The following FSHR variants were observed in gnomAD, a reference collection of about 807,000 sequenced individuals.
The protein encoded by FSHR is follicle-stimulating hormone receptor.
FSHR carries 46 observed loss-of-function variants against 52.1 expected under a neutral mutation model. The ratio of observed to expected loss-of-function variants is 0.88; its 90% CI spans 0.70 to 1.13. The LOEUF (loss-of-function observed/expected upper bound fraction) is 1.13. Among genes scored for constraint, FSHR ranks in the 50% most tolerant of loss-of-function variants. The pLI is 0.00. For missense variants in FSHR, 964 were observed against 834.6 expected (o/e 1.16, Z -1.91); for synonymous variants, 399 against 309.6 (o/e 1.29, Z -3.03).
intron 1 of FSHR, among the ~76,000 whole-genome samples, chr2:49,080,955 A>T (rs1449897933): frequency 6.6e-6 from 1 of 152,172 alleles, no homozygotes; most frequent in East Asian, 1.9e-4. Context: ...GAGTTTGCCG[A>T]GAAGTTATTC....
At chr2:49,110,452 TG>T (rs1671383483) in intron 1 of FSHR, among the ~76,000 whole-genome samples, 1 of 152,156 alleles carries the variant, frequency 6.6e-6, no homozygotes, top group Non-Finnish European at 1.5e-5. Context: ...TATTTCTAGG[TG>T]GGGATACTAC....
rs1007653416 is a variant in FSHR, at chr2:49,117,031, T to C, written c.152+37235A>G. ...TTCCCCTTCTTTGCCTACCATTGTG[T>C]AAAACATGGCCCCAGCACTTTGTGA... On this transcript the variant is annotated intron_variant, in intron 1 of 9. Transcript: ENST00000406846. Among the ~76,000 whole-genome samples, 8 of 152,200 alleles carry C rather than the reference T, an allele frequency of 5.3e-5. No homozygotes were observed. The South Asian group carries it at 6.2e-4, about 12-fold the overall frequency.
intron 8 of FSHR, among the ~76,000 whole-genome samples, chr2:48,973,434 C>T (rs1158689105): frequency 6.6e-6 from 1 of 152,138 alleles, no homozygotes; most frequent in African/African-American, 2.4e-5. Flanking sequence ...ATGTCTGACA[C>T]AAAATTGTGA....
chr2:49,063,163 T>G (rs1271796109), intron 2 of FSHR, among the ~76,000 whole-genome samples: 1 of 152,080 alleles, frequency 6.6e-6, no homozygotes, highest in Non-Finnish European at 1.5e-5. Flanking sequence ...GAGGATTAAT[T>G]TAAGTGTGGG....
At chr2:49,021,863 C>CTCTATATA (rs1467766420) in intron 2 of FSHR, among the ~76,000 whole-genome samples, 6 of 49,864 alleles carry the variant, frequency 1.2e-4, no homozygotes, top group African/African-American at 4.1e-4. Flanking sequence ...CTCTCTCTCT[C>CTCTATATA]TATATATATA....
chr2:48,977,123 C>CCTCTCT (rs10558428), intron 8 of FSHR, among the ~76,000 whole-genome samples: 2 of 149,554 alleles, frequency 1.3e-5, no homozygotes, highest in East Asian at 2.0e-4. Flanking sequence ...AATCCCCTCT[C>CCTCTCT]CTCTCTCTCT....
At chr2:48,984,684 C>A (rs1467701155) in intron 6 of FSHR, among the ~76,000 whole-genome samples, 4 of 151,656 alleles carry the variant, frequency 2.6e-5, no homozygotes, top group Admixed American at 1.3e-4. Flanking sequence ...TGTTTCCTGT[C>A]TTAGCTCATG....
chr2:49,069,270 T>C (rs1227274817), intron 1 of FSHR, among the ~76,000 whole-genome samples: 1 of 152,132 alleles, frequency 6.6e-6, no homozygotes, highest in Non-Finnish European at 1.5e-5. Flanking sequence ...ACAAGCCAGG[T>C]TCCTTCTGGC....
intron 1 of FSHR, among the ~76,000 whole-genome samples, chr2:49,133,785 C>G (rs1332234356): frequency 6.6e-6 from 1 of 152,136 alleles, no homozygotes; most frequent in Non-Finnish European, 1.5e-5. Context: ...ACCATCTGAT[C>G]TTTGACAAAC....
At chr2:49,030,423 A>T (rs960220377) in intron 2 of FSHR, among the ~76,000 whole-genome samples, 14 of 152,032 alleles carry the variant, frequency 9.2e-5, no homozygotes, top group African/African-American at 3.1e-4. Context: ...ACCTGTAACA[A>T]ATGGCTTCCC....
chr2:49,014,556 C>G (rs1667412095), intron 4 of FSHR: 1 of 188,518 alleles, frequency 5.3e-6, no homozygotes, highest in South Asian at 9.8e-5. Flanking sequence ...CTCCCCTGCC[C>G]TCATCTCCTA....
intron 2 of FSHR, among the ~76,000 whole-genome samples, chr2:49,025,184 G>T (rs1667875097): frequency 6.6e-6 from 1 of 152,168 alleles, no homozygotes; most frequent in South Asian, 2.1e-4. Context: ...CAGAAAACTT[G>T]GAGTGAATCT....
Position 49,154,388 on chromosome 2 carries a change from T to G in FSHR, c.30A>C (p.Ala10=). Residue 10 remains alanine, a synonymous_variant, in exon 1 of 10, where the codon GCA becomes GCC. Coordinates refer to ENST00000406846, the MANE Select transcript of FSHR (RefSeq NM_000145.4). The part of the protein sequence containing the change: MALLLVSLL[A]FLSLGSGCHH... ...GACATCCTGAGCCCAAGCTCAGGAA[T>G]GCCAGCAAAGAGACCAGGAGCAGGG... 2 of 1,613,134 alleles carry G rather than the reference T, an allele frequency of 1.2e-6. No individual in the cohort carries two copies. The highest frequency in any genetic ancestry group is 1.7e-6 in the Non-Finnish European group (2 of 1,179,922).
chr2:48,963,735 G>T lies in FSHR; in HGVS notation c.1086C>A (p.Tyr362Ter). 3 of 1,614,144 alleles carry T rather than the reference G, an allele frequency of 1.9e-6. No homozygotes were observed. The highest frequency in any genetic ancestry group is 2.5e-6 in the Non-Finnish European group (3 of 1,180,012). Reference sequence around the variant, plus strand: ...ACCATATCAGGACTCTGAGGATGTTGTACCCCATGATATCTTCACATGGGT... The same window carrying T: ...ACCATATCAGGACTCTGAGGATGTTTTACCCCATGATATCTTCACATGGGT... Reference protein sequence around the residue: ...AFNPCEDIMGYNILRVLIWFI... With the variant: ...AFNPCEDIMG The change falls in exon 10 of 10, where the codon TAC becomes TAA. Residue 362 changes from tyrosine to a stop codon, truncating the protein, a stop_gained. Transcript: ENST00000406846. LOFTEE classifies it high-confidence loss of function.
At chr2:49,108,212 C>G (rs936659622) in intron 1 of FSHR, among the ~76,000 whole-genome samples, 2 of 152,100 alleles carry the variant, frequency 1.3e-5, no homozygotes, top group Non-Finnish European at 2.9e-5. Flanking sequence ...TTTACACCAT[C>G]GAATCCCCTG....
At chr2:49,079,312 G>C (rs12622997) in intron 1 of FSHR, among the ~76,000 whole-genome samples, 37,065 of 151,976 alleles carry the variant, frequency 0.24, 4,845 homozygotes, top group East Asian at 0.47. Flanking sequence ...ATCCACATCA[G>C]TATATAAATT....
chr2:49,087,202 CTCT>C (rs1267328574), intron 1 of FSHR, among the ~76,000 whole-genome samples: 3 of 150,402 alleles, frequency 2.0e-5, no homozygotes, highest in East Asian at 4.0e-4. Context: ...ATTGGAGATC[CTCT>C]TCTTTGTTCA....
chr2:48,995,737 T>C (rs528729639), intron 4 of FSHR, among the ~76,000 whole-genome samples: 1 of 152,214 alleles, frequency 6.6e-6, no homozygotes, highest in South Asian at 2.1e-4. Flanking sequence ...ACCAAAGTGA[T>C]GGTGGTTGAG....
chr2:49,065,242 T>C (rs1669457171), intron 2 of FSHR, among the ~76,000 whole-genome samples: 1 of 152,150 alleles, frequency 6.6e-6, no homozygotes, highest in African/African-American at 2.4e-5. Flanking sequence ...TCCCTAGAAG[T>C]TCTTCTGCAA....
Sources: gnomAD v4.1 joint callset for allele counts (sites outside exome capture counted in the v4.1 genomes callset) on GRCh38, gnomAD v4.1.1 for gene constraint, MANE v1.5 for transcripts, NCBI Gene and HGNC (gene_info 2026-07-23, HGNC 2026-07-21) for gene names.